CABLES1: variants seen among roughly 807,000 people sequenced by gnomAD.
CABLES1 encodes the protein Cdk5 and Abl enzyme substrate 1.
Under a neutral mutation model 57.8 loss-of-function variants are expected in CABLES1, and 36 were observed. The observed-to-expected ratio is 0.62, with a 90% CI of 0.48 to 0.82. CABLES1 has a LOEUF of 0.82. Among genes scored for constraint, CABLES1 ranks in the 40% least tolerant of loss-of-function variants. The pLI, the probability that CABLES1 is intolerant of heterozygous loss-of-function variation, is 0.00. For missense variants in CABLES1, 767 were observed against 836.6 expected (o/e 0.92, Z 1.03); for synonymous variants, 374 against 363.0 (o/e 1.03, Z -0.35).
chr18:23,243,293 A>C (rs1421009164), intron 7 of CABLES1, among the ~76,000 whole-genome samples: 1 of 151,908 alleles, frequency 6.6e-6, no homozygotes, highest in Non-Finnish European at 1.5e-5. Flanking sequence ...GTAGCTCCGC[A>C]CTTCCCTATT....
chr18:23,146,305 C>CT lies in CABLES1; in HGVS notation c.845+9708dup, dbSNP rs552377457. On this transcript the variant is annotated intron_variant, in intron 1 of 9. Transcript: ENST00000256925. ...GTTGATGTGATGTTGAATGGTAGTTCTTTTTTTTTTCTTTTGGAGATGGAG... is the reference window on the plus strand; with the variant it reads ...GTTGATGTGATGTTGAATGGTAGTTCTTTTTTTTTTTCTTTTGGAGATGGAG... 4.2e-3 allele frequency among the ~76,000 whole-genome samples: 628 copies of CT among 149,802 alleles called. 2 individuals are homozygous for CT. Among genetic ancestry groups the CT allele is most frequent in the South Asian group, 0.016 (75 of 4,684 alleles).
intron 1 of CABLES1, among the ~76,000 whole-genome samples, chr18:23,147,209 T>A (rs1375884019): frequency 3.3e-5 from 5 of 152,214 alleles, no homozygotes; most frequent in Non-Finnish European, 1.5e-5. Flanking sequence ...AGCTCCTTCT[T>A]CTTCCTGCAC....
At chr18:23,252,827 C>T (rs905670576) in intron 7 of CABLES1, 133 bp from the exon 8 acceptor site, 1 of 608,388 alleles carries the variant, frequency 1.6e-6, no homozygotes, top group African/African-American at 1.9e-5. Flanking sequence ...CCGCCGAGCC[C>T]TTGTTGTAGC....
Position 23,156,150 on chromosome 18 carries a change from G to A in CABLES1, c.845+19543G>A, listed in dbSNP as rs45590739. On this transcript the variant is annotated intron_variant, in intron 1 of 9. Coordinates refer to ENST00000256925, the MANE Select transcript of CABLES1 (RefSeq NM_001100619.3). ...TGGCATGAGGTCATCTGGAACAGAGGGGGGGCTCCATGGAGGGTCCTCCAG... is the reference window on the plus strand; with the variant it reads ...TGGCATGAGGTCATCTGGAACAGAGAGGGGGCTCCATGGAGGGTCCTCCAG... Among the ~76,000 whole-genome samples the A allele has an allele frequency of 7.0e-4, 107 of 152,278 alleles. 2 individuals carry two copies. The highest frequency in any genetic ancestry group is 2.0e-3 in the Admixed American group (30 of 15,306).
At chr18:23,240,204 G>T (rs958801238) in intron 7 of CABLES1, among the ~76,000 whole-genome samples, 1 of 152,168 alleles carries the variant, frequency 6.6e-6, no homozygotes, top group South Asian at 2.1e-4. Context: ...AGACTTCCCC[G>T]AGGAATGGCA....
chr18:23,222,164 C>G (rs1385760050), intron 4 of CABLES1, among the ~76,000 whole-genome samples: 1 of 152,160 alleles, frequency 6.6e-6, no homozygotes, highest in Admixed American at 6.5e-5. Context: ...CCAGCCCTCT[C>G]TCAGCACAGC....
intron 6 of CABLES1, among the ~76,000 whole-genome samples, chr18:23,236,746 T>C (rs994142378): frequency 6.6e-6 from 1 of 152,174 alleles, no homozygotes; most frequent in Non-Finnish European, 1.5e-5. Flanking sequence ...CCTGGAAGTA[T>C]TCGCACCAAA....
At chr18:23,174,506 G>C (rs565991621) in intron 1 of CABLES1, among the ~76,000 whole-genome samples, 5 of 150,930 alleles carry the variant, frequency 3.3e-5, no homozygotes, top group Admixed American at 6.6e-5. Context: ...GAGTCTCGCT[G>C]TGTCGCCCAG....
intron 2 of CABLES1, among the ~76,000 whole-genome samples, chr18:23,191,906 TAAAAAAAAAAAAAAAA>T (rs147984743): frequency 0.014 from 1,197 of 82,778 alleles, 40 homozygotes; most frequent in South Asian, 0.037. Context: ...GTTGAATGCT[TAAAAAAAAAAAAAAAA>T]AAAAAAAAAA....
chr18:23,164,202 T>A (rs2047024733), intron 1 of CABLES1, among the ~76,000 whole-genome samples: 1 of 152,230 alleles, frequency 6.6e-6, no homozygotes, highest in African/African-American at 2.4e-5. Flanking sequence ...TTATGTAGCA[T>A]CCAGAGACAG....
At chr18:23,238,323 C>G (rs1158103981) in intron 7 of CABLES1, among the ~76,000 whole-genome samples, 1 of 152,248 alleles carries the variant, frequency 6.6e-6, no homozygotes, top group African/African-American at 2.4e-5. Flanking sequence ...TTGCCAGTTA[C>G]TTTCAGCACT....
At chr18:23,159,212 G>A (rs1239203593) in intron 1 of CABLES1, among the ~76,000 whole-genome samples, 2 of 152,348 alleles carry the variant, frequency 1.3e-5, no homozygotes, top group African/African-American at 2.4e-5. Flanking sequence ...TAATCCACCC[G>A]CCTTGGCCTC....
chr18:23,149,723 C>T (rs1290835462), intron 1 of CABLES1: 2 of 152,232 alleles, frequency 1.3e-5, no homozygotes, highest in Non-Finnish European at 2.9e-5. Flanking sequence ...ACACGATCCC[C>T]AGGCCCAGCC....
At position 23,145,588 on chromosome 18, in the gene CABLES1, A is replaced by G. The variant is rs1219959727; in HGVS notation, c.845+8981A>G. 5.3e-5 allele frequency among the ~76,000 whole-genome samples: 8 copies of G among 152,322 alleles called. 1 individual carries two copies. The South Asian group carries it at 1.2e-3, about 24-fold the overall frequency. On this transcript the variant is annotated intron_variant, in intron 1 of 9. Coordinates refer to ENST00000256925, the MANE Select transcript of CABLES1 (RefSeq NM_001100619.3). The stretch of plus-strand genomic sequence containing the variant: ...GTCCCCCTCAAGTTTCAGCCTGTGT[A>G]CCATTTAAACACCAAACTTTTCACA...
intron 9 of CABLES1, among the ~76,000 whole-genome samples, chr18:23,255,202 G>T (rs138524603): frequency 1.6e-3 from 241 of 152,198 alleles, no homozygotes; most frequent in Non-Finnish European, 3.0e-3. Context: ...GAGCAAAAGG[G>T]GTCACTGTGG....
At chr18:23,151,193 A>G (rs1195290677) in intron 1 of CABLES1, among the ~76,000 whole-genome samples, 2 of 151,410 alleles carry the variant, frequency 1.3e-5, no homozygotes, top group African/African-American at 2.4e-5. Flanking sequence ...TAATTTTTGT[A>G]TTTTTTAGTA....
intron 1 of CABLES1, among the ~76,000 whole-genome samples, chr18:23,170,922 G>A (rs919403950): frequency 8.5e-4 from 129 of 152,174 alleles, no homozygotes; most frequent in African/African-American, 2.9e-3. Flanking sequence ...TCAGCCTCCC[G>A]AGTAGCTGGG....
chr18:23,216,103 A>G (rs2047440289), intron 4 of CABLES1, among the ~76,000 whole-genome samples: 1 of 152,198 alleles, frequency 6.6e-6, no homozygotes, highest in African/African-American at 2.4e-5. Flanking sequence ...GCAATCCTTG[A>G]ATCTTCCTGG....
At chr18:23,234,555 C>T (rs2047588927) in intron 4 of CABLES1, 53 bp from the exon 5 acceptor site, 4 of 1,288,756 alleles carry the variant, frequency 3.1e-6, no homozygotes, top group Non-Finnish European at 4.5e-6. Context: ...ATCCTCATGG[C>T]TCTTTGAGGT....
Sources: allele counts gnomAD v4.1 joint callset (sites outside exome capture counted in the v4.1 genomes callset), GRCh38; gene constraint gnomAD v4.1.1; transcripts MANE v1.5; gene names NCBI Gene and HGNC (gene_info 2026-07-23, HGNC 2026-07-21).